Variants in PCDHA7 observed in about 807,000 individuals in gnomAD.
PCDHA7 encodes the protein protocadherin alpha-7.
PCDHA7 carries 37 observed loss-of-function variants against 57.2 expected under a neutral mutation model. The observed-to-expected ratio is 0.65, with a 90% CI of 0.50 to 0.85. The LOEUF (loss-of-function observed/expected upper bound fraction) is 0.85, where lower values mean the gene tolerates loss of function less well. Ranked by LOEUF, PCDHA7 falls within the 40% of genes least tolerant of loss-of-function variation. PCDHA7 has a pLI of 0.00. For synonymous variants in PCDHA7, 553 were observed against 558.8 expected, an observed-to-expected ratio of 0.99 and a Z score of 0.15; for missense variants, 1,188 against 1,241.8, an observed-to-expected ratio of 0.96 and a Z score of 0.65.
chr5:140,854,536 A>G (rs930055548), intron 1 of PCDHA7: 6 of 150,026 alleles, frequency 4.0e-5, no homozygotes, highest in African/African-American at 1.5e-4. Context: ...CATTTCTGTC[A>G]GTTTTCTTAT....
chr5:141,002,356 C>G (rs2098075572), intron 3 of PCDHA7, among the ~76,000 whole-genome samples: 1 of 152,272 alleles, frequency 6.6e-6, no homozygotes, highest in Non-Finnish European at 1.5e-5. Flanking sequence ...CACCTCCACT[C>G]CTTTCAACTC....
At position 140,927,035 on chromosome 5, in the gene PCDHA7, C is replaced by A. The variant is rs1554203936; in HGVS notation, c.2356-51914C>A. 2 of 1,612,296 alleles carry A rather than the reference C, an allele frequency of 1.2e-6. No homozygotes were observed. The highest frequency in any genetic ancestry group is 1.7e-6 in the Non-Finnish European group (2 of 1,178,902). Reference sequence around the variant, plus strand: ...TCCGCGGACTTGAGGCTGCCAGCGGCCGCTATGTCCTCGCGGAACTTTCGC... The same window carrying A: ...TCCGCGGACTTGAGGCTGCCAGCGGACGCTATGTCCTCGCGGAACTTTCGC... On this transcript the variant is annotated intron_variant, in intron 1 of 3. Transcript: ENST00000525929.
chr5:140,967,665 C>T (rs782126222), intron 1 of PCDHA7: 23 of 1,614,036 alleles, frequency 1.4e-5, no homozygotes, highest in East Asian at 2.2e-5. Context: ...AGCAGCTACA[C>T]GTCGGACCGG....
At chr5:141,000,183 A>G (rs2097895175) in intron 3 of PCDHA7, among the ~76,000 whole-genome samples, 1 of 151,898 alleles carries the variant, frequency 6.6e-6, no homozygotes, top group Non-Finnish European at 1.5e-5. Context: ...CAAGGAGTCA[A>G]TGTGAGAATA....
intron 1 of PCDHA7, among the ~76,000 whole-genome samples, chr5:140,940,219 T>C (rs1554213221): frequency 6.6e-6 from 1 of 152,180 alleles, no homozygotes; most frequent in Non-Finnish European, 1.5e-5. Context: ...TTGGCATTTA[T>C]TTCATTTTGG....
chr5:140,861,631 C>G (rs960525062), intron 1 of PCDHA7: 2 of 314,942 alleles, frequency 6.4e-6, no homozygotes, highest in Admixed American at 7.0e-5. Flanking sequence ...GTGTTCTCAG[C>G]AACACAAAAG....
chr5:140,979,053 T>A (rs1429544807), intron 2 of PCDHA7, 46 bp downstream of exon 2: 3 of 1,610,104 alleles, frequency 1.9e-6, no homozygotes, highest in Admixed American at 3.4e-5. Context: ...CTTAACTTGG[T>A]ATGGCTCAGA....
chr5:140,856,512 G>T lies in PCDHA7; in HGVS notation c.2355+19774G>T, dbSNP rs781905206. On this transcript the variant is annotated intron_variant, in intron 1 of 3. Transcript: ENST00000525929. ...CTTGACTCTCGATTTCCACTAGAAG[G>T]CGCATCTGATGCGGATGTTGGAGAG... 1.9e-6 allele frequency: 3 copies of T among 1,598,396 alleles called. No individual in the cohort carries two copies. The South Asian group carries it at 3.3e-5, about 18-fold the overall frequency.
At chr5:140,949,203 T>C (rs879971307) in intron 1 of PCDHA7, among the ~76,000 whole-genome samples, 13 of 151,790 alleles carry the variant, frequency 8.6e-5, no homozygotes, top group East Asian at 1.9e-4. Flanking sequence ...TTCAGTCTTT[T>C]AAAAATCTGT....
At chr5:140,970,565 T>C (rs1346006828) in intron 1 of PCDHA7, among the ~76,000 whole-genome samples, 2 of 152,182 alleles carry the variant, frequency 1.3e-5, no homozygotes, top group Non-Finnish European at 2.9e-5. Flanking sequence ...TCTCCATATG[T>C]ATGCTTGAAA....
At chr5:140,927,054 C>CT in intron 1 of PCDHA7, 1 of 1,611,076 alleles carries the variant, frequency 6.2e-7, no homozygotes, top group African/African-American at 1.3e-5. Context: ...CCTCGCGGAA[C>CT]TTTCGCTTCC....
At chr5:140,866,405 A>G (rs2049336607) in intron 1 of PCDHA7, 1 of 152,116 alleles carries the variant, frequency 6.6e-6, no homozygotes, top group Admixed American at 6.6e-5. Context: ...TCCCATGAAA[A>G]TCTTCAAATG....
At chr5:140,966,663 A>C in intron 1 of PCDHA7, 1 of 1,237,556 alleles carries the variant, frequency 8.1e-7, no homozygotes, top group East Asian at 3.0e-5. Context: ...GTGGGGGAGC[A>C]GGCGCAGGGT....
chr5:140,841,805 G>A, intron 1 of PCDHA7: 1 of 1,613,936 alleles, frequency 6.2e-7, no homozygotes, highest in Non-Finnish European at 8.5e-7. Flanking sequence ...CGATGCAGAT[G>A]TTGGAGCTAA....
At chr5:140,882,164 C>A in intron 1 of PCDHA7, 1 of 1,509,950 alleles carries the variant, frequency 6.6e-7, no homozygotes, top group Non-Finnish European at 8.9e-7. Flanking sequence ...ATACCTCTTG[C>A]GAATCCTTCC....
At chr5:140,863,106 C>G (rs782630265) in intron 1 of PCDHA7, 1 of 582,196 alleles carries the variant, frequency 1.7e-6, no homozygotes, top group Non-Finnish European at 3.4e-6. Context: ...GTACCCTGGA[C>G]GAGGCGAAAG....
intron 1 of PCDHA7, among the ~76,000 whole-genome samples, chr5:140,943,273 A>G (rs1451221832): frequency 1.3e-5 from 2 of 150,472 alleles, no homozygotes; most frequent in East Asian, 1.9e-4. Flanking sequence ...AAAAAAAAAA[A>G]AAAAGAAAGA....
chr5:140,857,804 G>A, intron 1 of PCDHA7: 1 of 1,597,858 alleles, frequency 6.3e-7, no homozygotes, highest in Non-Finnish European at 8.6e-7. Context: ...GTCGGTGGTT[G>A]CGGGTCACGT....
intron 1 of PCDHA7, among the ~76,000 whole-genome samples, chr5:140,937,621 GAAAA>G (rs1276369305): frequency 1.4e-5 from 2 of 142,038 alleles, no homozygotes; most frequent in Non-Finnish European, 3.1e-5. Context: ...CATCTAAAAA[GAAAA>G]AGAAAGGCAG....
Sources: gnomAD v4.1 joint callset for allele counts (sites outside exome capture counted in the v4.1 genomes callset) on GRCh38, gnomAD v4.1.1 for gene constraint, MANE v1.5 for transcripts, NCBI Gene and HGNC (gene_info 2026-07-23, HGNC 2026-07-21) for gene names.